Variants in CAMK2D observed in about 807,000 individuals in gnomAD.
CAMK2D encodes calcium/calmodulin-dependent protein kinase type II subunit delta.
In CAMK2D, 37 loss-of-function variants were observed where a neutral mutation model predicts 84.0. The observed-to-expected ratio is 0.44, with a 90% CI of 0.34 to 0.58. The LOEUF (loss-of-function observed/expected upper bound fraction) is 0.58. Ranked by LOEUF, CAMK2D falls within the 20% of genes least tolerant of loss-of-function variation. The pLI is 0.02. For synonymous variants in CAMK2D, 202 were observed against 212.5 expected (o/e 0.95, Z 0.43); for missense variants, 448 against 652.5 (o/e 0.69, Z 3.41).
intron 2 of CAMK2D, among the ~76,000 whole-genome samples, chr4:113,673,681 C>G (rs1207042904): frequency 6.6e-6 from 1 of 152,220 alleles, no homozygotes; most frequent in Non-Finnish European, 1.5e-5. Flanking sequence ...CTCTAAAAGG[C>G]CCTAAGGGCA....
At chr4:113,553,164 G>A (rs866421286) in intron 4 of CAMK2D, among the ~76,000 whole-genome samples, 1 of 152,194 alleles carries the variant, frequency 6.6e-6, no homozygotes. Context: ...ATTGCCCGCC[G>A]AGCAATTCCC....
chr4:113,655,389 T>G (rs903840737), intron 3 of CAMK2D, among the ~76,000 whole-genome samples: 5 of 152,030 alleles, frequency 3.3e-5, no homozygotes, highest in African/African-American at 1.2e-4. Flanking sequence ...AGCTATGACG[T>G]GATCTAGAAA....
chr4:113,726,480 C>A (rs1194127970), intron 2 of CAMK2D, among the ~76,000 whole-genome samples: 2 of 147,122 alleles, frequency 1.4e-5, no homozygotes, highest in Non-Finnish European at 1.5e-5. Context: ...CTCCTGGGCT[C>A]AAGTGATCCA....
chr4:113,472,267 T>C (rs1319944458), intron 16 of CAMK2D, among the ~76,000 whole-genome samples: 1 of 152,202 alleles, frequency 6.6e-6, no homozygotes, highest in African/African-American at 2.4e-5. Context: ...ACAATATATA[T>C]AAAATACTGT....
intron 2 of CAMK2D, among the ~76,000 whole-genome samples, chr4:113,747,838 G>A (rs1220205358): frequency 6.6e-6 from 1 of 151,986 alleles, no homozygotes; most frequent in Non-Finnish European, 1.5e-5. Flanking sequence ...CATACTTAAT[G>A]ATTCGTTGGA....
chr4:113,670,883 G>A (rs182490662), intron 2 of CAMK2D, among the ~76,000 whole-genome samples: 29 of 151,790 alleles, frequency 1.9e-4, no homozygotes, highest in African/African-American at 2.4e-4. Flanking sequence ...AGCCAAGATC[G>A]CGCCACTGCA....
At chr4:113,715,960 A>G (rs903424305) in intron 2 of CAMK2D, among the ~76,000 whole-genome samples, 46 of 152,124 alleles carry the variant, frequency 3.0e-4, no homozygotes, top group African/African-American at 1.1e-3. Context: ...AAAAAGCCAT[A>G]CTTGTGCCAC....
At chr4:113,522,267 T>G (rs749642842) in intron 8 of CAMK2D, among the ~76,000 whole-genome samples, 5 of 152,212 alleles carry the variant, frequency 3.3e-5, no homozygotes, top group African/African-American at 4.8e-5. Flanking sequence ...TGGAAGAATC[T>G]AAGACAGTTA....
rs114531817 is a variant in CAMK2D, at chr4:113,595,889, G to A, written c.275+13263C>T. Among the ~76,000 whole-genome samples, 563 of 152,254 alleles carry A rather than the reference G, an allele frequency of 3.7e-3. 3 individuals are homozygous for A. Among genetic ancestry groups the A allele is most frequent in the African/African-American group, 0.012 (507 of 41,554 alleles). On this transcript the variant is annotated intron_variant, in intron 4 of 20. Coordinates refer to ENST00000511664, the MANE Select transcript of CAMK2D (RefSeq NM_001321571.2). ...GCTGCTGAAAGCTAGGGTGGCTGTCGTAGGTTCTTAAAATAAGGCAACAAT... is the reference window on the plus strand; with the variant it reads ...GCTGCTGAAAGCTAGGGTGGCTGTCATAGGTTCTTAAAATAAGGCAACAAT...
intron 4 of CAMK2D, among the ~76,000 whole-genome samples, chr4:113,598,076 G>A (rs1380917211): frequency 2.0e-5 from 3 of 152,228 alleles, no homozygotes; most frequent in South Asian, 4.1e-4. Flanking sequence ...GAATAGCCAA[G>A]AGAATATTGA....
chr4:113,480,806 A>C (rs2097692571), intron 16 of CAMK2D, among the ~76,000 whole-genome samples: 1 of 151,908 alleles, frequency 6.6e-6, no homozygotes, highest in Non-Finnish European at 1.5e-5. Flanking sequence ...GTGCCACTGC[A>C]CTCCAACCTG....
At chr4:113,506,889 GT>G (rs1430458244) in intron 13 of CAMK2D, among the ~76,000 whole-genome samples, 2 of 148,108 alleles carry the variant, frequency 1.4e-5, no homozygotes, top group South Asian at 2.1e-4. Context: ...AAGTGCACAT[GT>G]TCCCCCCCCC....
chr4:113,697,027 C>A (rs1234281037), intron 2 of CAMK2D, among the ~76,000 whole-genome samples: 1 of 151,996 alleles, frequency 6.6e-6, no homozygotes, highest in Non-Finnish European at 1.5e-5. Context: ...CCTCAATGTC[C>A]AAGGAGTCTT....
At chr4:113,590,919 C>T (rs1308253353) in intron 4 of CAMK2D, among the ~76,000 whole-genome samples, 1 of 152,086 alleles carries the variant, frequency 6.6e-6, no homozygotes, top group Non-Finnish European at 1.5e-5. Context: ...GATGTATGCT[C>T]AATAATTGCT....
At chr4:113,625,846 G>A (rs1398261449) in intron 3 of CAMK2D, among the ~76,000 whole-genome samples, 5 of 152,048 alleles carry the variant, frequency 3.3e-5, no homozygotes, top group Non-Finnish European at 5.9e-5. Context: ...CTGTAAGGAA[G>A]CAAAGGTAGA....
intron 3 of CAMK2D, among the ~76,000 whole-genome samples, chr4:113,624,522 T>C (rs1389501017): frequency 1.3e-5 from 2 of 152,208 alleles, no homozygotes; most frequent in African/African-American, 4.8e-5. Context: ...TTTATATATA[T>C]TAAGTAACTT....
At chr4:113,643,630 A>C (rs529153799) in intron 3 of CAMK2D, among the ~76,000 whole-genome samples, 1 of 152,380 alleles carries the variant, frequency 6.6e-6, no homozygotes, top group East Asian at 1.9e-4. Flanking sequence ...TATGTACAAA[A>C]GTAAGTGAAT....
intron 16 of CAMK2D, among the ~76,000 whole-genome samples, chr4:113,490,606 G>A (rs1431037028): frequency 6.7e-6 from 1 of 149,886 alleles, no homozygotes; most frequent in Non-Finnish European, 1.5e-5. Context: ...TCTTGGCTTA[G>A]GACTGACTTG....
rs1487739208 is a variant in CAMK2D at position 113,630,802 on chromosome 4, C to G, written c.221-21596G>C. 2.0e-5 allele frequency among the ~76,000 whole-genome samples: 3 copies of G among 152,148 alleles called. No individual in the cohort carries two copies. The East Asian group carries it at 5.8e-4, about 29-fold the overall frequency. On this transcript the variant is annotated intron_variant, in intron 3 of 20. Coordinates refer to ENST00000511664, the MANE Select transcript of CAMK2D (RefSeq NM_001321571.2). The stretch of plus-strand genomic sequence containing the variant: ...ACATCTGTTAGATGGGACAAGTCTA[C>G]AAGCCTAGTGACATGCCTGCACACT...
Sources: allele counts gnomAD v4.1 joint callset (sites outside exome capture counted in the v4.1 genomes callset), GRCh38; gene constraint gnomAD v4.1.1; transcripts MANE v1.5; gene names NCBI Gene and HGNC (gene_info 2026-07-23, HGNC 2026-07-21).